SCFD2: variants seen among roughly 807,000 people sequenced by gnomAD.
SCFD2 encodes sec1 family domain containing 2.
In SCFD2, 54 loss-of-function variants were observed where a neutral mutation model predicts 58.9. The ratio of observed to expected loss-of-function variants is 0.92; its 90% CI spans 0.74 to 1.15. The LOEUF is 1.15. SCFD2 is among the 50% of genes most tolerant of loss of function. The pLI is 0.00. For synonymous variants in SCFD2, 321 were observed against 335.9 expected, an observed-to-expected ratio of 0.96 and a Z score of 0.49; for missense variants, 805 against 836.6, an observed-to-expected ratio of 0.96 and a Z score of 0.47.
chr4:53,309,780 A>G (rs1732632533), intron 3 of SCFD2, among the ~76,000 whole-genome samples: 1 of 152,222 alleles, frequency 6.6e-6, no homozygotes, highest in South Asian at 2.1e-4. Context: ...ACTCTCATCA[A>G]ATAACCTTAT....
At chr4:52,971,196 G>A (rs924683898) in intron 5 of SCFD2, among the ~76,000 whole-genome samples, 1 of 152,132 alleles carries the variant, frequency 6.6e-6, no homozygotes, top group Non-Finnish European at 1.5e-5. Flanking sequence ...AGAGAAGAAG[G>A]CTTCACAAGA....
chr4:53,164,363 C>T (rs946529285), intron 4 of SCFD2, among the ~76,000 whole-genome samples: 1 of 152,152 alleles, frequency 6.6e-6, no homozygotes, highest in Non-Finnish European at 1.5e-5. Flanking sequence ...CTCAGGACAA[C>T]CTTGACATGG....
intron 4 of SCFD2, among the ~76,000 whole-genome samples, chr4:53,196,907 G>C (rs1382840460): frequency 6.6e-6 from 1 of 152,038 alleles, no homozygotes; most frequent in Non-Finnish European, 1.5e-5. Flanking sequence ...AGATAGGATT[G>C]GTTGAATCGA....
At chr4:52,990,033 C>T (rs906452373) in intron 5 of SCFD2, among the ~76,000 whole-genome samples, 11 of 152,168 alleles carry the variant, frequency 7.2e-5, no homozygotes, top group South Asian at 2.1e-4. Flanking sequence ...CTATCATTTA[C>T]GCACATGCTC....
At chr4:53,298,598 T>C (rs1468891707) in intron 3 of SCFD2, among the ~76,000 whole-genome samples, 5 of 152,166 alleles carry the variant, frequency 3.3e-5, no homozygotes, top group Admixed American at 6.5e-5. Context: ...AAGAGAGTAG[T>C]GGTTCTCCCA....
At chr4:53,303,497 G>A (rs1485026894) in intron 3 of SCFD2, among the ~76,000 whole-genome samples, 1 of 152,176 alleles carries the variant, frequency 6.6e-6, no homozygotes, top group Non-Finnish European at 1.5e-5. Context: ...CTTTTACACT[G>A]TTGGTGGGAC....
intron 4 of SCFD2, among the ~76,000 whole-genome samples, chr4:53,182,944 A>G (rs1727621412): frequency 6.6e-6 from 1 of 152,198 alleles, no homozygotes; most frequent in Non-Finnish European, 1.5e-5. Flanking sequence ...AATCAAAACC[A>G]CAATGAGATA....
At chr4:53,036,236 T>C (rs1175119410) in intron 5 of SCFD2, among the ~76,000 whole-genome samples, 3 of 151,070 alleles carry the variant, frequency 2.0e-5, no homozygotes, top group Non-Finnish European at 4.4e-5. Flanking sequence ...CCAGCCCTGG[T>C]GTGTGATGGT....
chr4:53,001,750 G>T (rs1721869916), intron 5 of SCFD2, among the ~76,000 whole-genome samples: 1 of 152,200 alleles, frequency 6.6e-6, no homozygotes, highest in Non-Finnish European at 1.5e-5. Context: ...TTTAAGGAGA[G>T]AAGAAAGCTT....
intron 5 of SCFD2, among the ~76,000 whole-genome samples, chr4:53,008,021 T>C (rs1722016001): frequency 6.6e-6 from 1 of 152,136 alleles, no homozygotes; most frequent in South Asian, 2.1e-4. Flanking sequence ...GGTACATCAG[T>C]CAAAGTCTCT....
chr4:52,910,311 T>C (rs1303269464), intron 6 of SCFD2, among the ~76,000 whole-genome samples: 1 of 152,220 alleles, frequency 6.6e-6, no homozygotes, highest in Non-Finnish European at 1.5e-5. Context: ...AGCAGCCATC[T>C]TGGAAGACAG....
chr4:53,173,251 A>T (rs547028924), intron 4 of SCFD2, among the ~76,000 whole-genome samples: 47 of 152,152 alleles, frequency 3.1e-4, no homozygotes, highest in Non-Finnish European at 4.4e-4. Flanking sequence ...TGCATTTTTG[A>T]CTTAAAATAT....
chr4:53,103,618 C>T (rs1233172080), intron 5 of SCFD2, among the ~76,000 whole-genome samples: 1 of 147,710 alleles, frequency 6.8e-6, no homozygotes, highest in East Asian at 2.0e-4. Flanking sequence ...AATGACATTC[C>T]AGTAGCAATG....
In SCFD2 at chr4:52,907,611, T is replaced by C. The variant is rs541939669; in HGVS notation, c.1708-20A>G. 3 of 1,613,114 alleles carry C rather than the reference T, an allele frequency of 1.9e-6. No individual in the cohort carries two copies. The highest frequency in any genetic ancestry group is 2.5e-6 in the Non-Finnish European group (3 of 1,179,352). On this transcript the variant is annotated intron_variant, in intron 6 of 8. Transcript: ENST00000401642. ...AGATGCCTGGAAAGACAAAATACTA[T>C]GAGTAAAGGGATTGTTTGGTTTGTC...
chr4:53,063,070 G>C (rs892250437), intron 5 of SCFD2, among the ~76,000 whole-genome samples: 1 of 151,946 alleles, frequency 6.6e-6, no homozygotes, highest in African/African-American at 2.4e-5. Flanking sequence ...ATAAATATAG[G>C]TTTATATTTA....
chr4:52,884,510 G>A (rs764499926), intron 8 of SCFD2, among the ~76,000 whole-genome samples: 5 of 152,144 alleles, frequency 3.3e-5, no homozygotes, highest in South Asian at 2.1e-4. Flanking sequence ...AGTGGACCGC[G>A]CCCAGAGCAT....
At chr4:53,260,959 G>T (rs1304049230) in intron 4 of SCFD2, among the ~76,000 whole-genome samples, 1 of 152,030 alleles carries the variant, frequency 6.6e-6, no homozygotes, top group African/African-American at 2.4e-5. Context: ...TAGAAGGGTT[G>T]TATATTTCCA....
intron 8 of SCFD2, among the ~76,000 whole-genome samples, chr4:52,881,354 G>A (rs984963146): frequency 6.6e-6 from 1 of 152,164 alleles, no homozygotes; most frequent in Non-Finnish European, 1.5e-5. Flanking sequence ...GCTATCTAAA[G>A]GAAGCTCTTC....
intron 4 of SCFD2, among the ~76,000 whole-genome samples, chr4:53,175,400 A>G (rs1375458350): frequency 6.6e-6 from 1 of 152,174 alleles, no homozygotes; most frequent in Non-Finnish European, 1.5e-5. Context: ...TTAAAATTTT[A>G]TTTGTACATG....
Sources: allele counts gnomAD v4.1 joint callset (sites outside exome capture counted in the v4.1 genomes callset), GRCh38; gene constraint gnomAD v4.1.1; transcripts MANE v1.5; gene names NCBI Gene and HGNC (gene_info 2026-07-23, HGNC 2026-07-21).